AIG1: variants seen among roughly 807,000 people sequenced by gnomAD.
AIG1 encodes the protein androgen induced 1, also known as androgen-induced gene 1 protein.
Under a neutral mutation model 31.4 loss-of-function variants are expected in AIG1, and 23 were observed. The ratio of observed to expected loss-of-function variants is 0.73; its 90% confidence interval spans 0.53 to 1.04. AIG1 has a LOEUF of 1.04. Among genes scored for constraint, AIG1 ranks in the 50% least tolerant of loss-of-function variants. The pLI, the probability that AIG1 is intolerant of heterozygous loss-of-function variation, is 0.00. For synonymous variants in AIG1, 100 were observed against 110.5 expected, an observed-to-expected ratio of 0.90 and a Z score of 0.60; for missense variants, 274 against 295.0, an observed-to-expected ratio of 0.93 and a Z score of 0.52.
rs376497611 is a variant in AIG1, at chr6:143,303,565, G to T, written c.515+19340G>T. Among the ~76,000 whole-genome samples, 1,151 of 152,066 alleles carry T rather than the reference G, an allele frequency of 7.6e-3. 23 individuals carry two copies. The highest frequency in any genetic ancestry group is 0.046 in the Admixed American group (703 of 15,264). On this transcript the variant is annotated intron_variant, in intron 4 of 5. Coordinates refer to ENST00000357847, the MANE Select transcript of AIG1 (RefSeq NM_016108.4). ...ATGTGGCATTATTTCTGAGGGCTCT[G>T]TTCTGTTCCATTGATCTATATCTCT...
chr6:143,231,501 A>T (rs1793441270), intron 3 of AIG1, among the ~76,000 whole-genome samples: 1 of 152,172 alleles, frequency 6.6e-6, no homozygotes, highest in Admixed American at 6.5e-5. Flanking sequence ...GAACAGAGTG[A>T]AAAAGGGCTC....
chr6:143,176,355 C>G (rs1019093988), intron 3 of AIG1, among the ~76,000 whole-genome samples: 2 of 152,010 alleles, frequency 1.3e-5, no homozygotes, highest in Admixed American at 1.3e-4. Flanking sequence ...ACCCTAGGGT[C>G]GCCTTTGGGT....
At chr6:143,118,967 G>T (rs189164034) in intron 1 of AIG1, among the ~76,000 whole-genome samples, 1 of 150,894 alleles carries the variant, frequency 6.6e-6, no homozygotes, top group Non-Finnish European at 1.5e-5. Context: ...TCGACCTCCT[G>T]GGCTCAATTG....
At chr6:143,154,525 GA>G (rs756384918) in intron 2 of AIG1, among the ~76,000 whole-genome samples, 40 of 150,534 alleles carry the variant, frequency 2.7e-4, no homozygotes, top group Non-Finnish European at 3.4e-4. Context: ...AAGAAAGAAA[GA>G]AAAAAAAAGT....
intron 3 of AIG1, among the ~76,000 whole-genome samples, chr6:143,207,588 C>T (rs1481093578): frequency 6.6e-6 from 1 of 151,976 alleles, no homozygotes; most frequent in Non-Finnish European, 1.5e-5. Context: ...GTGTCATCAG[C>T]TATATCCTCA....
At chr6:143,219,910 G>A (rs558427500) in intron 3 of AIG1, among the ~76,000 whole-genome samples, 1 of 152,164 alleles carries the variant, frequency 6.6e-6, no homozygotes, top group Non-Finnish European at 1.5e-5. Flanking sequence ...CTACACAACG[G>A]CATTGCTATG....
intron 3 of AIG1, among the ~76,000 whole-genome samples, chr6:143,235,483 A>G (rs1257731047): frequency 6.6e-6 from 1 of 152,134 alleles, no homozygotes; most frequent in East Asian, 1.9e-4. Context: ...ACCTGAAGCT[A>G]AACCTGTGCA....
chr6:143,297,758 GT>G lies in AIG1; in HGVS notation c.515+13540del, dbSNP rs1798535566. Among the ~76,000 whole-genome samples, 2 of 152,098 alleles carry G rather than the reference GT, an allele frequency of 1.3e-5. No individual in the cohort carries two copies. The highest frequency in any genetic ancestry group is 2.4e-5 in the African/African-American group (1 of 41,424). On this transcript the variant is annotated intron_variant, in intron 4 of 5. Coordinates refer to ENST00000357847, the MANE Select transcript of AIG1 (RefSeq NM_016108.4). The surrounding 1 kb of genome is among the most constrained non-coding windows in gnomAD (Gnocchi z 5.1). ...CCAATTTTCATGTCTCAGCCAGATA[GT>G]TTTTTTAAAATGCAAATTTTATCCT...
intron 3 of AIG1, among the ~76,000 whole-genome samples, chr6:143,200,858 A>G (rs1239986359): frequency 6.6e-6 from 1 of 152,056 alleles, no homozygotes; most frequent in Non-Finnish European, 1.5e-5. Flanking sequence ...TTCCTACTCC[A>G]CAGTTTCATC....
chr6:143,150,207 T>A (rs1249645842), intron 2 of AIG1, among the ~76,000 whole-genome samples: 1 of 152,230 alleles, frequency 6.6e-6, no homozygotes, highest in African/African-American at 2.4e-5. Context: ...GCAAACACTC[T>A]AGCATCCTGA....
intron 3 of AIG1, among the ~76,000 whole-genome samples, chr6:143,179,257 T>C (rs1319123752): frequency 1.3e-5 from 2 of 152,208 alleles, no homozygotes. Context: ...ATTGGGAAAA[T>C]ATGAATTTTT....
intron 1 of AIG1, among the ~76,000 whole-genome samples, chr6:143,134,061 G>T (rs548194093): frequency 2.6e-5 from 4 of 152,126 alleles, no homozygotes; most frequent in East Asian, 1.9e-4. Context: ...AAAGAGGCTA[G>T]CCAACTATAT....
chr6:143,322,851 A>C (rs966698522), intron 4 of AIG1, among the ~76,000 whole-genome samples: 14 of 152,168 alleles, frequency 9.2e-5, no homozygotes, highest in Admixed American at 1.3e-4. Flanking sequence ...GGGCGGAGGG[A>C]CTTGTAACCT....
chr6:143,235,215 A>G (rs1793721835), intron 3 of AIG1, among the ~76,000 whole-genome samples: 1 of 152,146 alleles, frequency 6.6e-6, no homozygotes, highest in African/African-American at 2.4e-5. Flanking sequence ...GGAAACTCAG[A>G]AGACAGGATT....
At chr6:143,342,525 C>T (rs1777878000), downstream of AIG1, 1 of 812,496 alleles carries the variant, frequency 1.2e-6, no homozygotes, top group African/African-American at 1.7e-5. Context: ...TTCTCCCTAT[C>T]CTATAAGGAC....
At chr6:143,211,131 G>A (rs1460101397) in intron 3 of AIG1, among the ~76,000 whole-genome samples, 6 of 152,122 alleles carry the variant, frequency 3.9e-5, no homozygotes, top group Non-Finnish European at 8.8e-5. Flanking sequence ...GGGAAACTGA[G>A]CCTTTGTTAA....
chr6:143,171,646 T>G (rs2128574074), intron 3 of AIG1, among the ~76,000 whole-genome samples: 1 of 149,978 alleles, frequency 6.7e-6, no homozygotes, highest in East Asian at 1.9e-4. Context: ...AACATGCATG[T>G]GCAAGTATCT....
At chr6:143,113,534 C>T (rs1352013667) in intron 1 of AIG1, among the ~76,000 whole-genome samples, 2 of 146,256 alleles carry the variant, frequency 1.4e-5, no homozygotes, top group Admixed American at 6.9e-5. Flanking sequence ...ACTCAGGAGG[C>T]GGAGGTTGTG....
chr6:143,124,814 A>G (rs76723929), intron 1 of AIG1, among the ~76,000 whole-genome samples: 2 of 152,216 alleles, frequency 1.3e-5, no homozygotes, highest in South Asian at 2.1e-4. Context: ...ATCAGATCTC[A>G]TGAGACTCAC....
Sources: allele counts gnomAD v4.1 joint callset (sites outside exome capture counted in the v4.1 genomes callset), GRCh38; gene constraint gnomAD v4.1.1; non-coding constraint Gnocchi (gnomAD v3.1); transcripts MANE v1.5; gene names NCBI Gene and HGNC (gene_info 2026-07-23, HGNC 2026-07-21).